Variants in RGS6 observed in about 807,000 individuals in gnomAD.
RGS6 encodes the protein regulator of G-protein signaling 6.
A neutral mutation model predicts 78.5 loss-of-function variants in RGS6; 30 were observed. That is an observed-to-expected ratio of 0.38 (90% CI 0.29 to 0.52). The LOEUF (loss-of-function observed/expected upper bound fraction) is 0.52. Ranked by LOEUF, RGS6 falls within the 20% of genes least tolerant of loss-of-function variation. The pLI, the probability that RGS6 is intolerant of heterozygous loss-of-function variation, is 0.85. For missense variants in RGS6, 495 were observed against 609.7 expected (o/e 0.81, Z 1.98); for synonymous variants, 206 against 206.0 (o/e 1.00, Z 0.00).
At chr14:72,582,760 T>C in the RGS6 span, among the ~76,000 whole-genome samples, 1 of 152,276 alleles carries the variant, frequency 6.6e-6, no homozygotes, top group African/African-American at 2.4e-5. Flanking sequence ...GACATGGCTA[T>C]GATGCAATGA....
At chr14:72,284,848 G>A (rs368883121) in intron 2 of RGS6, among the ~76,000 whole-genome samples, 1 of 152,184 alleles carries the variant, frequency 6.6e-6, no homozygotes, top group Non-Finnish European at 1.5e-5. Context: ...CACAAGGGTG[G>A]GGCTGCCCAT....
upstream of RGS6, chr14:71,932,313 C>CGGGCCCAGGTGCCG (rs528325417): frequency 8.9e-4 from 135 of 151,548 alleles, 1 homozygote; most frequent in South Asian, 7.7e-3. Context: ...GCACGCGGTC[C>CGGGCCCAGGTGCCG]GGGCCCAGGT....
intron 2 of RGS6, among the ~76,000 whole-genome samples, chr14:72,275,945 C>T (rs2060600444): frequency 1.3e-5 from 2 of 152,128 alleles, no homozygotes; most frequent in Admixed American, 1.3e-4. Flanking sequence ...AACTTCTCTC[C>T]AACGTCTAGA....
intron 2 of RGS6, among the ~76,000 whole-genome samples, chr14:72,037,171 G>T (rs1383718487): frequency 6.6e-6 from 1 of 152,156 alleles, no homozygotes; most frequent in Non-Finnish European, 1.5e-5. Context: ...GCACCAATCA[G>T]CACTCTGTAA....
chr14:72,100,272 A>G (rs2095500654), intron 2 of RGS6, among the ~76,000 whole-genome samples: 1 of 152,174 alleles, frequency 6.6e-6, no homozygotes, highest in Admixed American at 6.5e-5. Flanking sequence ...TGGGAGGCTT[A>G]GGTGGCCAGA....
Position 72,248,188 on chromosome 14 carries a change from C to A in RGS6, c.85-103907C>A, listed in dbSNP as rs145743149. On this transcript the variant is annotated intron_variant, in intron 2 of 17. Transcript: ENST00000553525. ...TATAACATGACCCAGACATTATTTG[C>A]CTTTTTCTCTCTCCTAAGTGTGTCA... Among the ~76,000 whole-genome samples the A allele has an allele frequency of 4.2e-3, 639 of 152,260 alleles. 6 individuals carry two copies. The highest frequency in any genetic ancestry group is 0.01 in the Middle Eastern group (3 of 294).
At chr14:72,273,315 C>T (rs2060219140) in intron 2 of RGS6, among the ~76,000 whole-genome samples, 1 of 152,158 alleles carries the variant, frequency 6.6e-6, no homozygotes, top group Non-Finnish European at 1.5e-5. Context: ...TCTCCTCCCT[C>T]ACCACCTTTT....
chr14:72,475,176 A>C (rs571632790), intron 10 of RGS6, among the ~76,000 whole-genome samples: 15 of 150,994 alleles, frequency 9.9e-5, no homozygotes, highest in Non-Finnish European at 1.5e-4. Flanking sequence ...TATACTTAGA[A>C]GCAAATAAAA....
At chr14:72,542,964 TC>T (rs1230548390) in intron 17 of RGS6, among the ~76,000 whole-genome samples, 1 of 151,614 alleles carries the variant, frequency 6.6e-6, no homozygotes, top group African/African-American at 2.4e-5. Context: ...GGCCTGGTAC[TC>T]CCCAGTCAAT....
At chr14:71,993,263 C>T (rs2095045216) in intron 2 of RGS6, among the ~76,000 whole-genome samples, 2 of 152,040 alleles carry the variant, frequency 1.3e-5, no homozygotes, top group South Asian at 4.2e-4. Context: ...TTGCTGTGGC[C>T]ATGGCAACAC....
intron 2 of RGS6, among the ~76,000 whole-genome samples, chr14:72,074,937 A>G (rs1024528489): frequency 1.3e-5 from 2 of 152,188 alleles, no homozygotes; most frequent in Non-Finnish European, 2.9e-5. Context: ...TTTAGCTTCC[A>G]TTCTTACTGA....
rs200837014 is a variant in RGS6 at position 72,036,263 on chromosome 14, C to CTGTTTTGTTTTGTTT, written c.84+71388_84+71389insTGTTTTGTTTTGTTT. 2.1e-3 allele frequency among the ~76,000 whole-genome samples: 296 copies of CTGTTTTGTTTTGTTT among 143,486 alleles called. 3 individuals carry two copies. Among genetic ancestry groups the CTGTTTTGTTTTGTTT allele is most frequent in the Non-Finnish European group, 3.4e-3 (227 of 67,556 alleles). 94.1% of individuals were successfully genotyped at this position (143,486 alleles called of 152,430 possible). ...CAGAATTCCACTGTGTGAACATAAC[C>CTGTTTTGTTTTGTTT]CGTTTTGTTTTGTTTTGTTTTGTTT... On this transcript the variant is annotated intron_variant, in intron 2 of 17. Coordinates refer to ENST00000553525, the MANE Select transcript of RGS6 (RefSeq NM_001204424.2).
At chr14:71,942,661 A>G (rs1263634597) in intron 1 of RGS6, among the ~76,000 whole-genome samples, 2 of 152,226 alleles carry the variant, frequency 1.3e-5, no homozygotes, top group African/African-American at 4.8e-5. Context: ...TTGAATGTGT[A>G]TATTTGATAG....
chr14:72,240,100 G>T (rs1419724167), intron 2 of RGS6, among the ~76,000 whole-genome samples: 2 of 152,156 alleles, frequency 1.3e-5, no homozygotes, highest in Non-Finnish European at 2.9e-5. Context: ...TCACATTGGG[G>T]AGGTACTAGA....
intron 2 of RGS6, among the ~76,000 whole-genome samples, chr14:72,323,535 A>G (rs964314682): frequency 2.0e-5 from 3 of 151,914 alleles, no homozygotes; most frequent in African/African-American, 7.2e-5. Context: ...AAAATTAAGA[A>G]AGGGGGATTA....
In RGS6 at chr14:72,392,348, G is replaced by A. The variant is rs150531036; in HGVS notation, c.184+40154G>A. On this transcript the variant is annotated intron_variant, in intron 3 of 17. Transcript: ENST00000553525. ...AGCAGAGGAAGATGGATATGAAGTC[G>A]GGAGAGCAGGGATGGGCTGGGACCC... Among the ~76,000 whole-genome samples, 511 of 152,160 alleles carry A rather than the reference G, an allele frequency of 3.4e-3. 13 individuals are homozygous for A. The highest frequency in any genetic ancestry group is 0.024 in the Admixed American group (362 of 15,278).
At chr14:72,559,846 C>T (rs180970858) in intron 17 of RGS6, among the ~76,000 whole-genome samples, 14 of 152,288 alleles carry the variant, frequency 9.2e-5, no homozygotes, top group African/African-American at 2.9e-4. Flanking sequence ...CAGCCCAGCC[C>T]AGCCCATTCT....
chr14:72,615,025 G>A, the RGS6 span, among the ~76,000 whole-genome samples: 7 of 151,984 alleles, frequency 4.6e-5, no homozygotes, highest in Admixed American at 1.3e-4. Flanking sequence ...TGGGACTTGC[G>A]GCATCCTGTG....
intron 3 of RGS6, among the ~76,000 whole-genome samples, chr14:72,395,991 AT>A (rs1317326575): frequency 2.0e-5 from 3 of 152,152 alleles, no homozygotes; most frequent in Non-Finnish European, 4.4e-5. Context: ...CGCAATAAAC[AT>A]ACGTGAGCAT....
Sources: allele counts gnomAD v4.1 joint callset (sites outside exome capture counted in the v4.1 genomes callset), GRCh38; gene constraint gnomAD v4.1.1; transcripts MANE v1.5; gene names NCBI Gene and HGNC (gene_info 2026-07-23, HGNC 2026-07-21).